TCF4: variants seen among roughly 807,000 people sequenced by gnomAD.
TCF4 encodes transcription factor 4, also known as SL3-3 enhancer factor 2.
TCF4 carries 3 observed loss-of-function variants against 82.1 expected under a neutral mutation model. The ratio of observed to expected loss-of-function variants is 0.04; its 90% CI spans 0.02 to 0.09. The LOEUF is 0.09. Among genes scored for constraint, TCF4 ranks in the 10% least tolerant of loss-of-function variants. TCF4 has a pLI of 1.00. For missense variants in TCF4, 518 were observed against 852.7 expected, an observed-to-expected ratio of 0.61 and a Z score of 4.89; for synonymous variants, 276 against 309.6, an observed-to-expected ratio of 0.89 and a Z score of 1.14.
chr18:55,302,904 A>G (rs2146998109), intron 8 of TCF4, among the ~76,000 whole-genome samples: 1 of 152,238 alleles, frequency 6.6e-6, no homozygotes, highest in South Asian at 2.1e-4. Flanking sequence ...GTTTGGGGCA[A>G]TGCATTTATT....
intron 3 of TCF4, among the ~76,000 whole-genome samples, chr18:55,559,055 A>AG: frequency 6.6e-6 from 1 of 151,816 alleles, no homozygotes; most frequent in East Asian, 1.9e-4. Context: ...AAAAAAAAAA[A>AG]AAATCAGTCT....
In TCF4 at chr18:55,279,459, A is replaced by T. The variant is rs1239120131; in HGVS notation, c.655+92T>A. ...GACTTCAAAAATTCTACACTTGCCT[A>T]CTATTCCATTTCTTCTGCCCCATCT... On this transcript the variant is annotated intron_variant, in intron 9 of 19. Transcript: ENST00000354452. 3.8e-6 allele frequency: 6 copies of T among 1,580,280 alleles called. No homozygotes were observed. The African/African-American group carries it at 8.1e-5, about 21-fold the overall frequency.
chr18:55,482,257 C>T (rs1007411382), intron 3 of TCF4: 1 of 152,172 alleles, frequency 6.6e-6, no homozygotes, highest in African/African-American at 2.4e-5. Flanking sequence ...CAAGTTCAGT[C>T]TATAAAAGAG....
intron 3 of TCF4, among the ~76,000 whole-genome samples, chr18:55,466,587 AG>A (rs1459021736): frequency 2.6e-5 from 4 of 152,222 alleles, no homozygotes; most frequent in Non-Finnish European, 5.9e-5. Context: ...AAAGGAATCA[AG>A]TTGGAGAAAA....
intron 3 of TCF4, among the ~76,000 whole-genome samples, chr18:55,481,103 C>CA (rs74180501): frequency 0.12 from 9,309 of 80,430 alleles, 1,164 homozygotes; most frequent in East Asian, 0.47. Flanking sequence ...GACTCCATCT[C>CA]AAAAAAAAAA....
At chr18:55,394,276 C>T (rs528572921) in intron 6 of TCF4, among the ~76,000 whole-genome samples, 1 of 152,278 alleles carries the variant, frequency 6.6e-6, no homozygotes, top group Admixed American at 6.5e-5. Flanking sequence ...AGAGACCCCC[C>T]CATGTACAGA....
rs2097656383 is a variant in TCF4, at chr18:55,587,033, G to A, written c.72+12C>T. 1.9e-6 allele frequency: 3 copies of A among 1,611,862 alleles called. No homozygotes were observed. Among genetic ancestry groups the A allele is most frequent in the African/African-American group, 2.7e-5 (2 of 74,626 alleles). ...TTCACAGCTGTTGTTAGTTTCCACC[G>A]TTCTTTCTTACCGCACTGAAATCCA... On this transcript the variant is annotated intron_variant, in intron 2 of 19. Coordinates refer to ENST00000354452, the MANE Select transcript of TCF4 (RefSeq NM_001083962.2).
At chr18:55,343,855 C>A (rs1175223697) in intron 8 of TCF4, among the ~76,000 whole-genome samples, 1 of 141,528 alleles carries the variant, frequency 7.1e-6, no homozygotes, top group Non-Finnish European at 1.5e-5. Context: ...CATGGGTGCA[C>A]ACACACACGC....
intron 3 of TCF4, among the ~76,000 whole-genome samples, chr18:55,501,454 T>G (rs1445347600): frequency 1.3e-5 from 2 of 152,302 alleles, no homozygotes; most frequent in East Asian, 3.9e-4. Flanking sequence ...AAATTTTTCA[T>G]AAATGAAAAT....
chr18:55,410,373 C>T (rs750522792), intron 5 of TCF4, among the ~76,000 whole-genome samples: 10 of 152,032 alleles, frequency 6.6e-5, no homozygotes, highest in Non-Finnish European at 1.3e-4. Context: ...CAGATAGTAT[C>T]TTAAGGTGCC....
In TCF4 at chr18:55,588,098, AACCGCCGCCGCC is replaced by A. The variant is rs1209315417; in HGVS notation, c.-93_-82del. On this transcript the variant is annotated 5_prime_UTR_variant, in exon 1 of 20. Transcript: ENST00000354452. ...CGGCGCCGAGGCGGCGTTCATGTCT[AACCGCCGCCGCC>A]ACCGCCGCCGCCTGCTCCTGCGCCC... 21 of 1,018,880 alleles carry A rather than the reference AACCGCCGCCGCC, an allele frequency of 2.1e-5. No individual in the cohort carries two copies. The highest frequency in any genetic ancestry group is 4.9e-4 in the Middle Eastern group (1 of 2,058). The allele number at this position is 1,018,880 out of a possible 1,614,324, so 63.1% of individuals were successfully genotyped here. A position where few individuals can be genotyped will look rare whatever the true frequency, so the allele number is the denominator to read the frequency against.
chr18:55,458,692 CAAG>C (rs2095814306), intron 5 of TCF4, among the ~76,000 whole-genome samples: 1 of 152,138 alleles, frequency 6.6e-6, no homozygotes, highest in South Asian at 2.1e-4. Context: ...GCAAGCCAAT[CAAG>C]AAGGCATCGG....
At chr18:55,299,913 T>C (rs2067640737) in intron 8 of TCF4, among the ~76,000 whole-genome samples, 1 of 152,148 alleles carries the variant, frequency 6.6e-6, no homozygotes, top group African/African-American at 2.4e-5. Flanking sequence ...ACATCTTCCT[T>C]CTGAAGGGAA....
At chr18:55,358,397 A>C (rs2084152198) in intron 6 of TCF4, among the ~76,000 whole-genome samples, 1 of 152,204 alleles carries the variant, frequency 6.6e-6, no homozygotes, top group Non-Finnish European at 1.5e-5. Context: ...TGTGAATATA[A>C]GAAGAGTGGC....
At chr18:55,293,940 TTTTTTTTTTTTTTTTTTTTTTTTAGA>T (rs1179295664) in intron 8 of TCF4, among the ~76,000 whole-genome samples, 1 of 98,440 alleles carries the variant, frequency 1.0e-5, no homozygotes, top group Non-Finnish European at 1.8e-5. Context: ...ACTTTTTTTT[TTTTTTTTTTTTTTTTTTTTTTTTAGA>T]ATTCATATCT....
rs547862393 is a variant in TCF4 at position 55,414,337 on chromosome 18, AC to A, written c.305-10820del. 2.2e-3 allele frequency among the ~76,000 whole-genome samples: 330 copies of A among 152,152 alleles called. 3 individuals are homozygous for A. The highest frequency in any genetic ancestry group is 7.6e-3 in the African/African-American group (315 of 41,518). Reference sequence around the variant, plus strand: ...TGAAAGAAAAGAAAAGAAAAAAAAAACGTAGATGACATTTCTGCCCTTCCAC... The same window carrying A: ...TGAAAGAAAAGAAAAGAAAAAAAAAAGTAGATGACATTTCTGCCCTTCCAC... On this transcript the variant is annotated intron_variant, in intron 5 of 19. Coordinates refer to ENST00000354452, the MANE Select transcript of TCF4 (RefSeq NM_001083962.2).
At chr18:55,319,573 TAG>T (rs541102098) in intron 8 of TCF4, among the ~76,000 whole-genome samples, 274 of 152,118 alleles carry the variant, frequency 1.8e-3, no homozygotes, top group African/African-American at 6.2e-3. Context: ...TTTGAATCAA[TAG>T]AGATACACAT....
At chr18:55,312,349 TTAA>T (rs2072776084) in intron 8 of TCF4, among the ~76,000 whole-genome samples, 1 of 152,310 alleles carries the variant, frequency 6.6e-6, no homozygotes, top group African/African-American at 2.4e-5. Flanking sequence ...TAAAAATGTA[TTAA>T]AGATTCCAAA....
At chr18:55,321,763 A>G in intron 8 of TCF4, 4 of 1,526,800 alleles carry the variant, frequency 2.6e-6, no homozygotes, top group South Asian at 2.4e-5. Flanking sequence ...TTTTCTCCTC[A>G]GTACCACTCT....
Sources: gnomAD v4.1 joint callset for allele counts (sites outside exome capture counted in the v4.1 genomes callset) on GRCh38, gnomAD v4.1.1 for gene constraint, MANE v1.5 for transcripts, NCBI Gene and HGNC (gene_info 2026-07-23, HGNC 2026-07-21) for gene names.